The following GRB2 variants were observed in gnomAD, a reference collection of about 807,000 sequenced individuals.
GRB2 encodes growth factor receptor bound protein 2.
A neutral mutation model predicts 27.4 loss-of-function variants in GRB2; 2 were observed. The ratio of observed to expected loss-of-function variants is 0.07; its 90% CI spans 0.03 to 0.23. The LOEUF (loss-of-function observed/expected upper bound fraction) is 0.23. GRB2 is among the 10% of genes least tolerant of loss of function. GRB2 has a pLI of 1.00. For missense variants in GRB2, 102 were observed against 282.4 expected, an observed-to-expected ratio of 0.36 and a Z score of 4.58; for synonymous variants, 94 against 99.6, an observed-to-expected ratio of 0.94 and a Z score of 0.33.
chr17:75,353,425 T>C (rs1485037156), intron 2 of GRB2, among the ~76,000 whole-genome samples: 2 of 151,602 alleles, frequency 1.3e-5, no homozygotes, highest in East Asian at 1.9e-4. Context: ...CTTCCTTTAC[T>C]GGTTGGGCTT....
chr17:75,369,642 G>C (rs968926043), intron 2 of GRB2, among the ~76,000 whole-genome samples: 11 of 148,776 alleles, frequency 7.4e-5, no homozygotes, highest in African/African-American at 2.7e-4. Context: ...ATCACTTGAG[G>C]TCAGGGGTTC....
intron 2 of GRB2, among the ~76,000 whole-genome samples, chr17:75,353,967 G>A (rs1339660315): frequency 5.9e-5 from 9 of 151,432 alleles, no homozygotes; most frequent in Non-Finnish European, 1.3e-4. Flanking sequence ...TTGGACCCGG[G>A]AGGCGGAGGT....
chr17:75,324,507 G>GTCTTTTT (rs1555608338), intron 4 of GRB2, among the ~76,000 whole-genome samples: 8 of 36,700 alleles, frequency 2.2e-4, no homozygotes, highest in African/African-American at 5.7e-4. Flanking sequence ...ACCGCACCCA[G>GTCTTTTT]TTTTTTTTTT....
chr17:75,398,458 C>T (rs2145876352), intron 1 of GRB2, among the ~76,000 whole-genome samples: 1 of 151,156 alleles, frequency 6.6e-6, no homozygotes, highest in South Asian at 2.1e-4. Flanking sequence ...ATGGGGTCTC[C>T]CTATGCTGCC....
intron 4 of GRB2, among the ~76,000 whole-genome samples, chr17:75,324,040 G>A (rs1357791454): frequency 2.6e-5 from 4 of 151,532 alleles, no homozygotes; most frequent in African/African-American, 9.7e-5. Flanking sequence ...TCAAACTCCT[G>A]ACCTCATGAT....
At chr17:75,335,375 T>C (rs185592137) in intron 2 of GRB2, among the ~76,000 whole-genome samples, 5 of 152,294 alleles carry the variant, frequency 3.3e-5, no homozygotes, top group Non-Finnish European at 1.5e-5. Flanking sequence ...GGTAACATTC[T>C]TTACAAAATG....
At chr17:75,341,459 A>C (rs1185207243) in intron 2 of GRB2, among the ~76,000 whole-genome samples, 22 of 151,332 alleles carry the variant, frequency 1.5e-4, no homozygotes, top group Admixed American at 2.6e-4. Context: ...AAAAAAAAAA[A>C]AAAAAAAAAA....
At chr17:75,351,622 C>G (rs962269877) in intron 2 of GRB2, among the ~76,000 whole-genome samples, 1 of 151,364 alleles carries the variant, frequency 6.6e-6, no homozygotes, top group Non-Finnish European at 1.5e-5. Flanking sequence ...CACTGCACCC[C>G]AATCTGGGTG....
At position 75,320,552 on chromosome 17, in the gene GRB2, T is replaced by G; in HGVS notation, c.470A>C (p.Gln157Pro). Residue 157 changes from glutamine (Q) to proline (P), a missense_variant and splice_region_variant, in exon 6 of 6, where the codon CAG becomes CCG. This residue lies in a region of GRB2 where 57 missense variants were observed against 152.9 expected (regional missense o/e 0.37). Coordinates refer to ENST00000316804, the MANE Select transcript of GRB2 (RefSeq NM_002086.5). This position sits in a 1 kb window ranked among gnomAD's most constrained non-coding sequence, Gnocchi z 4.3. Reference sequence around the variant, plus strand: ...AAAGAGGGCCTGGACGTATGTCGGCTGCTGCAAAACAGGAGCAGGAAAAAC... The same window carrying G: ...AAAGAGGGCCTGGACGTATGTCGGCGGCTGCAAAACAGGAGCAGGAAAAAC... ...FLRDIEQVPQQPTYVQALFDF... is the reference protein window; with the variant it reads ...FLRDIEQVPQPPTYVQALFDF... 3 of 1,610,894 alleles carry G rather than the reference T, an allele frequency of 1.9e-6. No homozygotes were observed. The highest frequency in any genetic ancestry group is 2.5e-6 in the Non-Finnish European group (3 of 1,177,200).
intron 2 of GRB2, among the ~76,000 whole-genome samples, chr17:75,342,549 C>A (rs1007486360): frequency 1.3e-5 from 2 of 152,130 alleles, no homozygotes; most frequent in African/African-American, 4.8e-5. Flanking sequence ...GGAATACAGG[C>A]ATGAGCCACC....
intron 2 of GRB2, among the ~76,000 whole-genome samples, chr17:75,357,686 C>T (rs2078742352): frequency 6.6e-6 from 1 of 152,038 alleles, no homozygotes. Flanking sequence ...TTTGGGAGGC[C>T]GAGGAGAGTA....
chr17:75,383,397 T>C (rs2078942270), intron 2 of GRB2, among the ~76,000 whole-genome samples: 1 of 152,306 alleles, frequency 6.6e-6, no homozygotes, highest in African/African-American at 2.4e-5. Context: ...CAGATAACCT[T>C]TGGCCACTTT....
intron 4 of GRB2, among the ~76,000 whole-genome samples, chr17:75,323,704 C>T (rs1174980848): frequency 6.6e-6 from 1 of 152,144 alleles, no homozygotes; most frequent in Non-Finnish European, 1.5e-5. Flanking sequence ...TTGGCCACCA[C>T]CCAGTGATTT....
At chr17:75,385,927 C>T (rs1354556296) in intron 2 of GRB2, among the ~76,000 whole-genome samples, 4 of 152,050 alleles carry the variant, frequency 2.6e-5, no homozygotes, top group African/African-American at 9.7e-5. Context: ...ATTGGTTTTG[C>T]TTTTTGGCTT....
At chr17:75,361,119 T>C (rs1335756361) in intron 2 of GRB2, among the ~76,000 whole-genome samples, 2 of 152,204 alleles carry the variant, frequency 1.3e-5, no homozygotes, top group Non-Finnish European at 2.9e-5. Context: ...CTGTTACACT[T>C]CCTTCCTGTA....
intron 2 of GRB2, among the ~76,000 whole-genome samples, chr17:75,346,968 G>A (rs1398880830): frequency 1.3e-5 from 2 of 152,084 alleles, no homozygotes; most frequent in East Asian, 3.9e-4. Context: ...TCAGACGAAG[G>A]GAGGGTCAGG....
rs569820256 is a variant in GRB2 at position 75,346,364 on chromosome 17, C to G, written c.79-13567G>C. Among the ~76,000 whole-genome samples the G allele has an allele frequency of 1.3e-4, 19 of 151,724 alleles. No homozygotes were observed. The South Asian group carries it at 3.5e-3, about 28-fold the overall frequency. Reference sequence around the variant, plus strand: ...ACAAAAAATTATCTGGGCACGGTGGCGGGCGCCTGTAGTCCCAGCTACTCG... The same window carrying G: ...ACAAAAAATTATCTGGGCACGGTGGGGGGCGCCTGTAGTCCCAGCTACTCG... On this transcript the variant is annotated intron_variant, in intron 2 of 5. Transcript: ENST00000316804.
chr17:75,396,567 A>G (rs2079030431), intron 1 of GRB2, among the ~76,000 whole-genome samples: 1 of 151,974 alleles, frequency 6.6e-6, no homozygotes, highest in Non-Finnish European at 1.5e-5. Flanking sequence ...TCATCTGTAA[A>G]ATGAGAATAA....
At chr17:75,380,558 T>C (rs939588318) in intron 2 of GRB2, among the ~76,000 whole-genome samples, 3 of 152,170 alleles carry the variant, frequency 2.0e-5, no homozygotes, top group Non-Finnish European at 2.9e-5. Context: ...AGCTAAACAT[T>C]TGCAGCATAA....
Sources: allele counts gnomAD v4.1 joint callset (sites outside exome capture counted in the v4.1 genomes callset), GRCh38; gene constraint gnomAD v4.1.1; regional missense constraint gnomAD v4.1.1; non-coding constraint Gnocchi (gnomAD v3.1); transcripts MANE v1.5; gene names NCBI Gene and HGNC (gene_info 2026-07-23, HGNC 2026-07-21).